The following MACROD2 variants were observed in gnomAD, a reference collection of about 807,000 sequenced individuals.
MACROD2 encodes the protein ADP-ribose glycohydrolase MACROD2.
A neutral mutation model predicts 70.4 loss-of-function variants in MACROD2; 36 were observed. That is an observed-to-expected ratio of 0.51 (90% CI 0.39 to 0.68). MACROD2 has a LOEUF of 0.68. MACROD2 is among the 30% of genes least tolerant of loss of function. MACROD2 has a pLI of 0.00. For missense variants in MACROD2, 496 were observed against 538.4 expected (o/e 0.92, Z 0.78); for synonymous variants, 172 against 178.8 (o/e 0.96, Z 0.30).
intron 5 of MACROD2, among the ~76,000 whole-genome samples, chr20:14,732,436 A>G (rs752890041): frequency 2.6e-5 from 4 of 152,186 alleles, no homozygotes; most frequent in Admixed American, 2.6e-4. Context: ...TAAGGGGTCC[A>G]CTGGGAAGGC....
intron 4 of MACROD2, among the ~76,000 whole-genome samples, chr20:14,636,054 A>G (rs1984768905): frequency 6.6e-6 from 1 of 152,166 alleles, no homozygotes; most frequent in Admixed American, 6.5e-5. Flanking sequence ...ATACCACACA[A>G]TTTATTTTCA....
At chr20:14,896,567 A>G (rs750423200) in intron 5 of MACROD2, among the ~76,000 whole-genome samples, 4 of 151,980 alleles carry the variant, frequency 2.6e-5, no homozygotes, top group Non-Finnish European at 5.9e-5. Flanking sequence ...CTTCTGAACT[A>G]CTTATTCTGA....
chr20:14,446,831 A>G, intron 3 of MACROD2, among the ~76,000 whole-genome samples: 1 of 152,150 alleles, frequency 6.6e-6, no homozygotes, highest in South Asian at 2.1e-4. Context: ...CAAAGAAAAT[A>G]GTATAAGCAG....
intron 9 of MACROD2, 55 bp downstream of exon 9, chr20:15,862,881 C>T (rs536519217): frequency 2.4e-5 from 32 of 1,316,886 alleles, no homozygotes; most frequent in South Asian, 8.6e-5. Context: ...GAAGTGGAGC[C>T]GTCACTTCTA....
chr20:14,033,918 A>G (rs572812298), intron 2 of MACROD2, among the ~76,000 whole-genome samples: 1 of 152,180 alleles, frequency 6.6e-6, no homozygotes, highest in Admixed American at 6.5e-5. Flanking sequence ...TATCATGGAA[A>G]TCCTTTCATA....
chr20:15,743,454 C>T (rs1330486879), intron 8 of MACROD2, among the ~76,000 whole-genome samples: 1 of 152,170 alleles, frequency 6.6e-6, no homozygotes, highest in Non-Finnish European at 1.5e-5. Flanking sequence ...AAATATTCCC[C>T]ATGTCTATGT....
intron 6 of MACROD2, among the ~76,000 whole-genome samples, chr20:15,344,130 C>T (rs1400964234): frequency 6.6e-6 from 1 of 152,154 alleles, no homozygotes; most frequent in Non-Finnish European, 1.5e-5. Context: ...ATTTTACATT[C>T]CAGATGCAGA....
At chr20:14,902,777 C>T (rs1198268656) in intron 5 of MACROD2, among the ~76,000 whole-genome samples, 2 of 151,950 alleles carry the variant, frequency 1.3e-5, no homozygotes, top group Non-Finnish European at 2.9e-5. Flanking sequence ...GCCTTGAGAG[C>T]AAGAGCTGGG....
At chr20:14,764,626 G>C (rs1304338207) in intron 5 of MACROD2, among the ~76,000 whole-genome samples, 1 of 152,046 alleles carries the variant, frequency 6.6e-6, no homozygotes, top group East Asian at 1.9e-4. Context: ...TAAAATCTTA[G>C]TGACAAGAAG....
intron 3 of MACROD2, among the ~76,000 whole-genome samples, chr20:14,291,253 G>C (rs1374039630): frequency 6.6e-6 from 1 of 152,198 alleles, no homozygotes; most frequent in East Asian, 1.9e-4. Flanking sequence ...TTTTAGTAGA[G>C]ATTATGTGAA....
intron 5 of MACROD2, among the ~76,000 whole-genome samples, chr20:15,093,798 G>A (rs150565482): frequency 1.7e-4 from 26 of 152,264 alleles, no homozygotes; most frequent in Non-Finnish European, 2.9e-5. Flanking sequence ...TGTGGGTAGA[G>A]GGAGCAATGG....
intron 6 of MACROD2, among the ~76,000 whole-genome samples, chr20:15,399,847 T>TC (rs2045906704): frequency 6.6e-6 from 1 of 152,154 alleles, no homozygotes; most frequent in Non-Finnish European, 1.5e-5. Flanking sequence ...CAAGGACTCT[T>TC]CCCAGGAGAA....
At chr20:15,825,812 A>C (rs995288525) in intron 8 of MACROD2, among the ~76,000 whole-genome samples, 8 of 152,198 alleles carry the variant, frequency 5.3e-5, no homozygotes, top group Non-Finnish European at 1.0e-4. Context: ...TCTTTTTGGC[A>C]TGATGGCTAG....
chr20:15,002,228 C>A (rs1360519916), intron 5 of MACROD2, among the ~76,000 whole-genome samples: 1 of 152,068 alleles, frequency 6.6e-6, no homozygotes, highest in Non-Finnish European at 1.5e-5. Context: ...TACATTCCCA[C>A]CAGCAGTGTA....
intron 8 of MACROD2, among the ~76,000 whole-genome samples, chr20:15,586,712 A>G (rs1039122700): frequency 9.2e-5 from 14 of 152,236 alleles, no homozygotes; most frequent in African/African-American, 2.9e-4. Flanking sequence ...AATGAAAAAC[A>G]AACTATTTGT....
At chr20:14,653,801 C>T (rs1985819844) in intron 4 of MACROD2, among the ~76,000 whole-genome samples, 1 of 152,180 alleles carries the variant, frequency 6.6e-6, no homozygotes, top group Admixed American at 6.5e-5. Context: ...CATTCCAAGG[C>T]AAACTGGAAG....
chr20:15,786,311 G>A (rs1166473488), intron 8 of MACROD2, among the ~76,000 whole-genome samples: 1 of 151,988 alleles, frequency 6.6e-6, no homozygotes, highest in Non-Finnish European at 1.5e-5. Flanking sequence ...GAGAAAACAT[G>A]AGTTGAGAAA....
At chr20:14,736,579 T>C (rs1291471921) in intron 5 of MACROD2, among the ~76,000 whole-genome samples, 1 of 152,170 alleles carries the variant, frequency 6.6e-6, no homozygotes, top group South Asian at 2.1e-4. Flanking sequence ...ACAACAACAG[T>C]GATATCATTA....
intron 5 of MACROD2, among the ~76,000 whole-genome samples, chr20:14,852,864 C>A (rs1293936503): frequency 6.6e-6 from 1 of 152,152 alleles, no homozygotes; most frequent in African/African-American, 2.4e-5. Context: ...ACAAACTTAT[C>A]CCTAGGTACT....
Sources: allele counts gnomAD v4.1 joint callset (sites outside exome capture counted in the v4.1 genomes callset), GRCh38; gene constraint gnomAD v4.1.1; transcripts MANE v1.5; gene names NCBI Gene and HGNC (gene_info 2026-07-23, HGNC 2026-07-21).